Variants in INTS6 observed in about 807,000 individuals in gnomAD.
INTS6 encodes DEAD box protein.
Under a neutral mutation model 104.9 loss-of-function variants are expected in INTS6, and 16 were observed. The ratio of observed to expected loss-of-function variants is 0.15; its 90% CI spans 0.10 to 0.23. The LOEUF (loss-of-function observed/expected upper bound fraction) is 0.23, where lower values mean the gene tolerates loss of function less well. Ranked by LOEUF, INTS6 falls within the 10% of genes least tolerant of loss-of-function variation. INTS6 has a pLI of 1.00. For missense variants in INTS6, 584 were observed against 1,062.8 expected, an observed-to-expected ratio of 0.55 and a Z score of 6.26; for synonymous variants, 324 against 358.7, an observed-to-expected ratio of 0.90 and a Z score of 1.09.
intron 2 of INTS6, among the ~76,000 whole-genome samples, 182 bp downstream of exon 2, chr13:51,451,796 C>A (rs1224855009): frequency 1.3e-5 from 2 of 149,978 alleles, no homozygotes; most frequent in African/African-American, 4.9e-5. Context: ...GACTCCGCGC[C>A]GCGCTAGGAC....
chr13:51,422,958 C>T (rs1956922238), intron 4 of INTS6: 2 of 772,572 alleles, frequency 2.6e-6, no homozygotes, highest in Admixed American at 6.9e-5. Context: ...TTTCTTTACG[C>T]TGTCTCAGAA....
chr13:51,387,981 C>T (rs1406522927), intron 6 of INTS6, among the ~76,000 whole-genome samples: 1 of 152,138 alleles, frequency 6.6e-6, no homozygotes, highest in Non-Finnish European at 1.5e-5. Flanking sequence ...TTGAGTATTT[C>T]TTAGAAATCA....
intron 7 of INTS6, chr13:51,384,620 C>T (rs113166526): frequency 0.016 from 7,427 of 456,604 alleles, 136 homozygotes; most frequent in East Asian, 0.069. Flanking sequence ...TGTTTCTTCT[C>T]CCCCAAGCTA....
chr13:51,390,567 A>G (rs1341622865), intron 5 of INTS6, among the ~76,000 whole-genome samples: 2 of 152,062 alleles, frequency 1.3e-5, no homozygotes, highest in South Asian at 2.1e-4. Flanking sequence ...TAAGCTCAAT[A>G]TGATGCCCTA....
chr13:51,386,891 C>A (rs1956149441), intron 7 of INTS6, among the ~76,000 whole-genome samples: 1 of 152,146 alleles, frequency 6.6e-6, no homozygotes, highest in South Asian at 2.1e-4. Context: ...CAGCAAACTT[C>A]ATTTTTCCTA....
Position 51,452,589 on chromosome 13 carries a change from C to G in INTS6, c.-64G>C, listed in dbSNP as rs955409000. ...AAAGAGGAGATGGTAGAGGTGGAGG[C>G]GCCGGTGGCGGCGACCGCCGCTACG... On this transcript the variant is annotated 5_prime_UTR_variant, in exon 1 of 18. Coordinates refer to ENST00000311234, the MANE Select transcript of INTS6 (RefSeq NM_012141.3). This position sits in a 1 kb window ranked among gnomAD's most constrained non-coding sequence, Gnocchi z 4.2. The G allele has an allele frequency of 6.4e-7, 1 of 1,565,484 alleles. No homozygotes were observed.
intron 4 of INTS6, among the ~76,000 whole-genome samples, chr13:51,398,036 T>C (rs1168878710): frequency 6.6e-6 from 1 of 152,196 alleles, no homozygotes; most frequent in Non-Finnish European, 1.5e-5. Context: ...CAAATTTTTA[T>C]TTATTTTTCT....
intron 4 of INTS6, among the ~76,000 whole-genome samples, chr13:51,414,657 CA>C (rs1428770184): frequency 6.6e-6 from 1 of 152,034 alleles, no homozygotes; most frequent in East Asian, 1.9e-4. Flanking sequence ...AAAATTTTAA[CA>C]TTTTTGGTGA....
At chr13:51,343,915 A>G in the INTS6 span, among the ~76,000 whole-genome samples, 6 of 152,086 alleles carry the variant, frequency 3.9e-5, no homozygotes, top group Non-Finnish European at 5.9e-5. Flanking sequence ...TAGAATCTCT[A>G]CTCCAACACA....
At position 51,452,355 on chromosome 13, in the gene INTS6, C is replaced by A. The variant is rs1233086283; in HGVS notation, c.111+60G>T. 4 of 1,419,968 alleles carry A rather than the reference C, an allele frequency of 2.8e-6. No individual in the cohort carries two copies. Among genetic ancestry groups the A allele is most frequent in the Non-Finnish European group, 3.7e-6 (4 of 1,080,078 alleles). The allele number at this position is 1,419,968 out of a possible 1,614,324, so 88.0% of individuals were successfully genotyped here. A position where few individuals can be genotyped will look rare whatever the true frequency, so the allele number is the denominator to read the frequency against. ...CACCCCCGCCCCGGCCGCCCTCCCC[C>A]ACCCTGCCGCCCGCGGGCCGCCGGG... is the stretch of plus-strand genomic sequence containing the variant. On this transcript the variant is annotated intron_variant, in intron 1 of 17. Coordinates refer to ENST00000311234, the MANE Select transcript of INTS6 (RefSeq NM_012141.3). This position sits in a 1 kb window ranked among gnomAD's most constrained non-coding sequence, Gnocchi z 4.2.
chr13:51,336,916 C>T, the INTS6 span, among the ~76,000 whole-genome samples: 1 of 152,230 alleles, frequency 6.6e-6, no homozygotes, highest in Non-Finnish European at 1.5e-5. Context: ...TACCAGAGGG[C>T]CGTGTTGCAG....
In INTS6 at chr13:51,365,684, A is replaced by C. The variant is rs1955670575; in HGVS notation, c.*68T>G. ...CATGTCAGAAAATGAATGCAAGATC[A>C]CAACAGTCTTGTATTTACTTTGTAT... is the stretch of plus-strand genomic sequence containing the variant. On this transcript the variant is annotated 3_prime_UTR_variant, in exon 18 of 18. Transcript: ENST00000311234. 2.4e-6 allele frequency: 2 copies of C among 822,208 alleles called. No individual in the cohort carries two copies. The highest frequency in any genetic ancestry group is 1.9e-6 in the Non-Finnish European group (1 of 531,804). The allele number at this position is 822,208 out of a possible 1,614,324, so 50.9% of individuals were successfully genotyped here.
At chr13:51,384,376 T>G in intron 7 of INTS6, 1 of 269,960 alleles carries the variant, frequency 3.7e-6, no homozygotes, top group Non-Finnish European at 7.3e-6. Context: ...AATCTACCTC[T>G]TAATAGTCCT....
chr13:51,379,810 TACTGGTCTTCCTTGGTACC>T (rs946083003), intron 10 of INTS6, among the ~76,000 whole-genome samples: 2 of 152,112 alleles, frequency 1.3e-5, no homozygotes, highest in African/African-American at 4.8e-5. Context: ...AAGGATAAGA[TACTGGTCTTCCTTGGTACC>T]ACTGGGAGAA....
In INTS6 at chr13:51,363,534, T is replaced by A. The variant is rs1252831969; in HGVS notation, c.*2218A>T. 1.3e-5 allele frequency: 2 copies of A among 151,868 alleles called. No homozygotes were observed. Among genetic ancestry groups the A allele is most frequent in the Non-Finnish European group, 2.9e-5 (2 of 67,874 alleles). The allele number at this position is 151,868 out of a possible 1,614,324, so 9.4% of individuals were successfully genotyped here. On this transcript the variant is annotated 3_prime_UTR_variant, in exon 18 of 18. Coordinates refer to ENST00000311234, the MANE Select transcript of INTS6 (RefSeq NM_012141.3). ...AAAAAAGATTTGAAAACCTCAAGAT[T>A]AAACTTTCCAAGAATATCATTTGTC...
At chr13:51,440,359 TAA>T (rs1952772405) in intron 3 of INTS6, 1 of 152,140 alleles carries the variant, frequency 6.6e-6, no homozygotes, top group Non-Finnish European at 1.5e-5. Flanking sequence ...TAAATCTTAC[TAA>T]AAAGAGTTAA....
At chr13:51,417,991 T>C (rs1209910811) in intron 4 of INTS6, among the ~76,000 whole-genome samples, 2 of 152,208 alleles carry the variant, frequency 1.3e-5, no homozygotes, top group Non-Finnish European at 2.9e-5. Context: ...GCCTCTTAGG[T>C]AGAAATCAGC....
chr13:51,357,479 GAT>G (rs1424713246), downstream of INTS6, among the ~76,000 whole-genome samples: 21 of 152,228 alleles, frequency 1.4e-4, no homozygotes, highest in South Asian at 2.5e-3. Context: ...TTGTACTACT[GAT>G]GGAACTCCAA....
At chr13:51,451,725 G>A (rs899153047) in intron 2 of INTS6, among the ~76,000 whole-genome samples, 1 of 149,554 alleles carries the variant, frequency 6.7e-6, no homozygotes, top group African/African-American at 2.4e-5. Context: ...TAGCAGCGCC[G>A]CCGCCGCCGC....
Sources: gnomAD v4.1 joint callset for allele counts (sites outside exome capture counted in the v4.1 genomes callset) on GRCh38, gnomAD v4.1.1 for gene constraint, Gnocchi (gnomAD v3.1) non-coding constraint, MANE v1.5 for transcripts, NCBI Gene and HGNC (gene_info 2026-07-23, HGNC 2026-07-21) for gene names.